MGAT4C: variants seen among roughly 807,000 people sequenced by gnomAD.
The protein encoded by MGAT4C is MGAT4 family member C.
In MGAT4C, 19 loss-of-function variants were observed where a neutral mutation model predicts 40.1. The observed-to-expected ratio is 0.47, with a 90% CI of 0.33 to 0.70. The LOEUF is 0.70. Ranked by LOEUF, MGAT4C falls within the 30% of genes least tolerant of loss-of-function variation. The pLI is 0.02. For missense variants in MGAT4C, 491 were observed against 563.2 expected (o/e 0.87, Z 1.30); for synonymous variants, 181 against 187.1 (o/e 0.97, Z 0.27).
At chr12:86,415,131 G>A (rs563067962) in intron 3 of MGAT4C, among the ~76,000 whole-genome samples, 17 of 152,032 alleles carry the variant, frequency 1.1e-4, no homozygotes, top group Non-Finnish European at 1.9e-4. Flanking sequence ...AGGTGACACC[G>A]GGACCTCAAG....
rs563136963 is a variant in MGAT4C at position 86,764,046 on chromosome 12, G to A, written c.-261-36805C>T. Among the ~76,000 whole-genome samples the A allele has an allele frequency of 3.9e-5, 6 of 152,212 alleles. No individual in the cohort carries two copies. The South Asian group carries it at 8.3e-4, about 21-fold the overall frequency. Reference sequence around the variant, plus strand: ...TGGGTGGGTGCACCGTGCATGAGCCGAAGCAGGGTGAGGCATTGCCTCACT... The same window carrying A: ...TGGGTGGGTGCACCGTGCATGAGCCAAAGCAGGGTGAGGCATTGCCTCACT... On this transcript the variant is annotated intron_variant, in intron 1 of 7. Transcript: ENST00000548651.
chr12:86,487,164 T>C (rs1391238719), intron 2 of MGAT4C, among the ~76,000 whole-genome samples: 3 of 152,222 alleles, frequency 2.0e-5, no homozygotes, highest in East Asian at 3.9e-4. Context: ...ATGGAGTCAT[T>C]TGGTACCAGT....
chr12:86,630,857 C>T (rs145199302), intron 2 of MGAT4C, among the ~76,000 whole-genome samples: 34 of 152,234 alleles, frequency 2.2e-4, no homozygotes, highest in African/African-American at 7.5e-4. Context: ...ACAGGGATGC[C>T]GTCTTTCACC....
intron 2 of MGAT4C, among the ~76,000 whole-genome samples, chr12:86,473,141 G>T (rs1246533496): frequency 6.6e-6 from 1 of 152,014 alleles, no homozygotes; most frequent in Admixed American, 6.6e-5. Flanking sequence ...GTTTTTAGAA[G>T]AGGCAGGGTT....
intron 2 of MGAT4C, among the ~76,000 whole-genome samples, chr12:86,545,672 T>A (rs1457532016): frequency 1.3e-5 from 2 of 151,776 alleles, no homozygotes; most frequent in African/African-American, 4.8e-5. Flanking sequence ...TAAAATAAAA[T>A]AAGCCTTTAT....
At chr12:86,691,854 T>C (rs562688888) in intron 2 of MGAT4C, among the ~76,000 whole-genome samples, 1 of 152,192 alleles carries the variant, frequency 6.6e-6, no homozygotes, top group Non-Finnish European at 1.5e-5. Flanking sequence ...TGATTATATA[T>C]ATTTTAAAAT....
At chr12:86,280,187 T>A (rs538649728) in intron 4 of MGAT4C, among the ~76,000 whole-genome samples, 132 of 152,200 alleles carry the variant, frequency 8.7e-4, no homozygotes, top group African/African-American at 3.0e-3. Context: ...AAGTTCAATT[T>A]TTTTGTTGAT....
At chr12:86,315,371 G>T (rs10400590) in intron 4 of MGAT4C, among the ~76,000 whole-genome samples, 96,981 of 151,986 alleles carry the variant, frequency 0.64, 32,040 homozygotes, top group South Asian at 0.77. Flanking sequence ...ACTCAAGATG[G>T]AATAAATATT....
At chr12:86,714,859 A>G (rs748922699) in intron 2 of MGAT4C, among the ~76,000 whole-genome samples, 1 of 152,066 alleles carries the variant, frequency 6.6e-6, no homozygotes, top group Non-Finnish European at 1.5e-5. Context: ...GAAAGATGTA[A>G]CGAGAATAAG....
chr12:86,263,952 G>A (rs1046885213), intron 4 of MGAT4C, among the ~76,000 whole-genome samples: 1 of 151,898 alleles, frequency 6.6e-6, no homozygotes, highest in Admixed American at 6.6e-5. Flanking sequence ...ATACCTATTG[G>A]TCATTTGTAT....
intron 1 of MGAT4C, among the ~76,000 whole-genome samples, chr12:86,247,912 G>T (rs61949045): frequency 0.083 from 12,577 of 152,190 alleles, 650 homozygotes; most frequent in Middle Eastern, 0.23. Context: ...GTCATGTTCA[G>T]ATTTGTATTT....
chr12:86,834,687 C>T (rs748614131), intron 1 of MGAT4C, among the ~76,000 whole-genome samples: 12 of 151,236 alleles, frequency 7.9e-5, no homozygotes, highest in Admixed American at 2.0e-4. Context: ...AGGCTTTAAT[C>T]TCCTTAAGCA....
chr12:86,112,311 TC>T (rs147315791), intron 1 of MGAT4C, among the ~76,000 whole-genome samples: 4 of 151,294 alleles, frequency 2.6e-5, no homozygotes, highest in Non-Finnish European at 4.4e-5. Flanking sequence ...GTGGTTTACT[TC>T]CCCCCCACCC....
At chr12:86,410,308 C>A (rs747730965) in intron 3 of MGAT4C, among the ~76,000 whole-genome samples, 2 of 152,022 alleles carry the variant, frequency 1.3e-5, no homozygotes, top group African/African-American at 4.8e-5. Flanking sequence ...TTATCTCAAC[C>A]GCATAAGACA....
chr12:86,311,976 C>T (rs1954089463), intron 4 of MGAT4C, among the ~76,000 whole-genome samples: 1 of 152,070 alleles, frequency 6.6e-6, no homozygotes. Flanking sequence ...TATGAGGCCC[C>T]ATGATTGAGG....
At chr12:86,209,195 A>T (rs2135954162) in intron 1 of MGAT4C, among the ~76,000 whole-genome samples, 1 of 152,216 alleles carries the variant, frequency 6.6e-6, no homozygotes, top group South Asian at 2.1e-4. Context: ...ATTATACAAT[A>T]TTAAGAGCTT....
At chr12:86,826,747 C>T (rs1245425594) in intron 1 of MGAT4C, among the ~76,000 whole-genome samples, 1 of 151,196 alleles carries the variant, frequency 6.6e-6, no homozygotes, top group African/African-American at 2.4e-5. Context: ...TAGCACTCTT[C>T]TACTCCTCCT....
intron 2 of MGAT4C, among the ~76,000 whole-genome samples, chr12:86,639,360 A>G (rs1294674638): frequency 2.0e-5 from 3 of 151,866 alleles, no homozygotes; most frequent in East Asian, 3.9e-4. Context: ...TAGTCTATCA[A>G]TAAGAGAACT....
In MGAT4C at chr12:86,705,330, G is replaced by T. The variant is rs147929945; in HGVS notation, c.-229+21879C>A. Among the ~76,000 whole-genome samples the T allele has an allele frequency of 4.8e-3, 736 of 151,834 alleles. 3 individuals carry two copies. The highest frequency in any genetic ancestry group is 0.017 in the African/African-American group (714 of 41,402). The stretch of plus-strand genomic sequence containing the variant: ...TGAAATACAATTGGTTATAATATTT[G>T]CTACTAAGAGGCTGGGTTAGTCAAG... On this transcript the variant is annotated intron_variant, in intron 2 of 7. Transcript: ENST00000548651.
Sources: gnomAD v4.1 joint callset for allele counts (sites outside exome capture counted in the v4.1 genomes callset) on GRCh38, gnomAD v4.1.1 for gene constraint, MANE v1.5 for transcripts, NCBI Gene and HGNC (gene_info 2026-07-23, HGNC 2026-07-21) for gene names.